DOCK5: variants seen among roughly 807,000 people sequenced by gnomAD.
DOCK5 encodes the protein dedicator of cytokinesis protein 5.
DOCK5 carries 142 observed loss-of-function variants against 251.8 expected under a neutral mutation model. The observed-to-expected ratio is 0.56, with a 90% confidence interval of 0.49 to 0.65. The LOEUF (loss-of-function observed/expected upper bound fraction) is 0.65. Ranked by LOEUF, DOCK5 falls within the 30% of genes least tolerant of loss-of-function variation. DOCK5 has a pLI of 0.00. For synonymous variants in DOCK5, 842 were observed against 835.5 expected (o/e 1.01, Z -0.13); for missense variants, 2,111 against 2,312.3 (o/e 0.91, Z 1.79).
chr8:25,404,077 T>G (rs764348096), intron 48 of DOCK5, among the ~76,000 whole-genome samples: 5 of 152,142 alleles, frequency 3.3e-5, no homozygotes, highest in Non-Finnish European at 5.9e-5. Flanking sequence ...AAATCTCCCT[T>G]TAATCTGAGA....
chr8:25,245,072 T>A lies in DOCK5; in HGVS notation c.127+1315T>A, dbSNP rs112329188. 4.7e-3 allele frequency among the ~76,000 whole-genome samples: 715 copies of A among 152,348 alleles called. 9 individuals carry two copies. The highest frequency in any genetic ancestry group is 0.016 in the African/African-American group (681 of 41,588). ...AATCTTTTTATTTATTTATTTATTT[T>A]TTGAGACGGAGTCTCGCTCTGTCGC... On this transcript the variant is annotated intron_variant, in intron 2 of 51. Transcript: ENST00000276440.
chr8:25,253,385 G>C (rs919057458), intron 2 of DOCK5, among the ~76,000 whole-genome samples: 1 of 152,166 alleles, frequency 6.6e-6, no homozygotes, highest in Non-Finnish European at 1.5e-5. Flanking sequence ...ACAGATCTTG[G>C]TTGGATCAAG....
chr8:25,261,520 T>G (rs1803581005), intron 2 of DOCK5, among the ~76,000 whole-genome samples: 1 of 152,248 alleles, frequency 6.6e-6, no homozygotes, highest in Non-Finnish European at 1.5e-5. Flanking sequence ...TTCAGTCATA[T>G]TTCAGCAATG....
chr8:25,196,710 C>G (rs1424574069), intron 1 of DOCK5, among the ~76,000 whole-genome samples: 1 of 152,134 alleles, frequency 6.6e-6, no homozygotes, highest in Non-Finnish European at 1.5e-5. Context: ...CTTAATTTTA[C>G]CATAAAGCAA....
At chr8:25,386,893 G>GA (rs1325553225) in intron 40 of DOCK5, among the ~76,000 whole-genome samples, 1 of 152,178 alleles carries the variant, frequency 6.6e-6, no homozygotes. Context: ...CCGTAATTTA[G>GA]AAAAATAATG....
chr8:25,296,374 G>A (rs1804614830), intron 6 of DOCK5, 139 bp from the exon 7 acceptor site: 1 of 1,089,186 alleles, frequency 9.2e-7, no homozygotes, highest in South Asian at 1.7e-5. Flanking sequence ...AATGAGAAAA[G>A]TCAATGAGGT....
intron 1 of DOCK5, among the ~76,000 whole-genome samples, chr8:25,230,533 A>G (rs899931820): frequency 6.6e-6 from 1 of 152,050 alleles, no homozygotes; most frequent in Non-Finnish European, 1.5e-5. Context: ...TTGTTGTTTT[A>G]ATTAAACATT....
chr8:25,272,632 G>T (rs765317941), intron 3 of DOCK5, among the ~76,000 whole-genome samples: 1 of 152,072 alleles, frequency 6.6e-6, no homozygotes, highest in Admixed American at 6.5e-5. Context: ...CAGTTTATCC[G>T]TGCCCAGCGC....
At chr8:25,321,749 A>G (rs1393499997) in intron 16 of DOCK5, among the ~76,000 whole-genome samples, 1 of 152,116 alleles carries the variant, frequency 6.6e-6, no homozygotes, top group African/African-American at 2.4e-5. Context: ...CAGGCCACAG[A>G]CTGGTATGGG....
At chr8:25,262,946 G>GT (rs963292423) in intron 2 of DOCK5, among the ~76,000 whole-genome samples, 1 of 149,448 alleles carries the variant, frequency 6.7e-6, no homozygotes, top group African/African-American at 2.6e-5. Context: ...CACCTCCTGA[G>GT]TTTTTTTTAA....
intron 10 of DOCK5, among the ~76,000 whole-genome samples, chr8:25,303,730 G>C (rs904516574): frequency 1.3e-5 from 2 of 152,138 alleles, no homozygotes; most frequent in Admixed American, 6.6e-5. Context: ...GGGAGGCCGA[G>C]GCAGGCAGAT....
rs565315317 is a variant in DOCK5 at position 25,289,340 on chromosome 8, C to A, written c.322-2684C>A. 7.9e-5 allele frequency among the ~76,000 whole-genome samples: 12 copies of A among 151,658 alleles called. No individual in the cohort carries two copies. In the East Asian group the frequency reaches 2.4e-3, roughly 30 times the overall value. Reference sequence around the variant, plus strand: ...TGTTTGTTTGTTTATTTTACAGAAACAAGGTCTCGCTATGTTGCCCAGGCT... The same window carrying A: ...TGTTTGTTTGTTTATTTTACAGAAAAAAGGTCTCGCTATGTTGCCCAGGCT... On this transcript the variant is annotated intron_variant, in intron 5 of 51. Coordinates refer to ENST00000276440, the MANE Select transcript of DOCK5 (RefSeq NM_024940.8).
chr8:25,334,950 A>T (rs777721665), intron 21 of DOCK5, among the ~76,000 whole-genome samples: 2 of 152,216 alleles, frequency 1.3e-5, no homozygotes, highest in Non-Finnish European at 2.9e-5. Flanking sequence ...CATAAGAGGC[A>T]GTGGTCTCTA....
At chr8:25,217,320 A>T (rs1189920031) in intron 1 of DOCK5, among the ~76,000 whole-genome samples, 1 of 151,816 alleles carries the variant, frequency 6.6e-6, no homozygotes, top group Admixed American at 6.6e-5. Flanking sequence ...AGATTTTTAA[A>T]ACTAGTTTGT....
intron 34 of DOCK5, among the ~76,000 whole-genome samples, chr8:25,370,655 C>T (rs1403659258): frequency 1.3e-5 from 2 of 152,122 alleles, no homozygotes; most frequent in Non-Finnish European, 2.9e-5. Flanking sequence ...AGGCATATGT[C>T]GCCATTCCCA....
chr8:25,285,431 C>A (rs370802653), intron 5 of DOCK5, among the ~76,000 whole-genome samples: 1 of 152,172 alleles, frequency 6.6e-6, no homozygotes, highest in African/African-American at 2.4e-5. Flanking sequence ...AGGTGTGAGC[C>A]ACTATGCCCA....
intron 16 of DOCK5, 61 bp from the exon 17 acceptor site, chr8:25,323,787 C>T (rs1158595741): frequency 6.4e-7 from 1 of 1,555,308 alleles, no homozygotes; most frequent in Non-Finnish European, 8.8e-7. Flanking sequence ...GAAATCGTGT[C>T]ATAGCCATCG....
chr8:25,400,849 C>T, intron 46 of DOCK5, 80 bp from the exon 47 acceptor site: 1 of 1,527,444 alleles, frequency 6.5e-7, no homozygotes, highest in Non-Finnish European at 9.0e-7. Context: ...CTTTCCACCC[C>T]ATCCCTCCCT....
intron 48 of DOCK5, among the ~76,000 whole-genome samples, chr8:25,407,075 A>G (rs952961551): frequency 2.0e-5 from 3 of 152,196 alleles, no homozygotes; most frequent in African/African-American, 7.2e-5. Context: ...AAACTTCATT[A>G]TAGATTTTAA....
Sources: allele counts gnomAD v4.1 joint callset (sites outside exome capture counted in the v4.1 genomes callset), GRCh38; gene constraint gnomAD v4.1.1; transcripts MANE v1.5; gene names NCBI Gene and HGNC (gene_info 2026-07-23, HGNC 2026-07-21).